UNC13B: variants seen among roughly 807,000 people sequenced by gnomAD.
The protein encoded by UNC13B is protein unc-13 homolog B.
Under a neutral mutation model 211.0 loss-of-function variants are expected in UNC13B, and 144 were observed. The observed-to-expected ratio is 0.68, with a 90% CI of 0.60 to 0.78. The LOEUF (loss-of-function observed/expected upper bound fraction) is 0.78. UNC13B is among the 30% of genes least tolerant of loss of function. The probability of loss-of-function intolerance (pLI) is 0.00; values close to 1 mark genes in which losing one functional copy is unlikely to be tolerated. For synonymous variants in UNC13B, 709 were observed against 725.8 expected (o/e 0.98, Z 0.37); for missense variants, 1,777 against 2,002.0 (o/e 0.89, Z 2.14).
At chr9:35,332,246 A>G (rs1007149135) in intron 11 of UNC13B, among the ~76,000 whole-genome samples, 12 of 152,176 alleles carry the variant, frequency 7.9e-5, no homozygotes, top group Non-Finnish European at 1.0e-4. Flanking sequence ...CACTGCACCC[A>G]GCCTCCCAAC....
chr9:35,353,841 A>T lies in UNC13B; in HGVS notation c.9415-13106A>T, dbSNP rs943841. On this transcript the variant is annotated intron_variant, in intron 11 of 39. Coordinates refer to ENST00000635942, the MANE Select transcript of UNC13B (RefSeq NM_001371189.2). ...CTGAGTCACTATTTAACAGGGTCCCAGCTGGCTAAAGTATGACCTCCATCT... is the reference window on the plus strand; with the variant it reads ...CTGAGTCACTATTTAACAGGGTCCCTGCTGGCTAAAGTATGACCTCCATCT... The T allele has an allele frequency of 5.9e-3, 7,215 of 1,220,244 alleles. 352 individuals carry two copies. The African/African-American group carries it at 0.1, about 17-fold the overall frequency. The allele number at this position is 1,220,244 out of a possible 1,614,324, so 75.6% of individuals were successfully genotyped here. A position where few individuals can be genotyped will look rare whatever the true frequency, so the allele number is the denominator to read the frequency against.
chr9:35,230,101 A>G (rs1825110475), intron 2 of UNC13B, among the ~76,000 whole-genome samples: 1 of 152,162 alleles, frequency 6.6e-6, no homozygotes, highest in East Asian at 1.9e-4. Flanking sequence ...TCAGGCCACC[A>G]CCTTTGTTTA....
chr9:35,389,911 C>A lies in UNC13B; in HGVS notation c.11160C>A (p.Leu3720=). The stretch of plus-strand genomic sequence containing the variant: ...GGAACCTGGATTTCTGGCCCAAGCT[C>A]ATCACACTCATCGTGTCAATCATAG... ...SIRNLDFWPK[L]ITLIVSIIEE... The change falls in exon 25 of 40, where the codon CTC becomes CTA. Residue 3720 remains leucine, a synonymous_variant. Coordinates refer to ENST00000635942, the MANE Select transcript of UNC13B (RefSeq NM_001371189.2). 1 of 1,614,158 alleles carries A rather than the reference C, an allele frequency of 6.2e-7. No individual in the cohort carries two copies. The highest frequency in any genetic ancestry group is 8.5e-7 in the Non-Finnish European group (1 of 1,180,004).
chr9:35,387,374 T>C (rs1835257975), intron 24 of UNC13B, among the ~76,000 whole-genome samples: 1 of 152,220 alleles, frequency 6.6e-6, no homozygotes, highest in African/African-American at 2.4e-5. Flanking sequence ...ACTAAGATCT[T>C]GTTCCTACTG....
At chr9:35,218,936 A>G (rs1361003446) in intron 1 of UNC13B, among the ~76,000 whole-genome samples, 2 of 151,804 alleles carry the variant, frequency 1.3e-5, no homozygotes, top group Non-Finnish European at 2.9e-5. Flanking sequence ...TTTAGTAGAG[A>G]TGGGGTTTCT....
At chr9:35,211,994 T>G (rs545508517) in intron 1 of UNC13B, among the ~76,000 whole-genome samples, 10 of 152,150 alleles carry the variant, frequency 6.6e-5, no homozygotes, top group Non-Finnish European at 1.2e-4. Context: ...CATCAGCCAC[T>G]GCACCCACCC....
Position 35,310,745 on chromosome 9 carries a change from T to C in UNC13B, c.9287T>C (p.Val3096Ala). The C allele has an allele frequency of 2.5e-6, 4 of 1,613,884 alleles. No homozygotes were observed. The South Asian group carries it at 4.4e-5, about 18-fold the overall frequency. The change falls in exon 10 of 40, where the codon GTG becomes GCG. Residue 3096 changes from valine (V) to alanine (A), a missense_variant. Val to Ala is a moderately conservative substitution (Grantham distance 64). Coordinates refer to ENST00000635942, the MANE Select transcript of UNC13B (RefSeq NM_001371189.2). ...ACAACCCACCCTCCCCCAGATCTGG[T>C]GCTGCAAAAAGACCACTTCCTAGGT... ...DATTHPPPDL[V>A]LQKDHFLGPQ...
chr9:35,401,765 A>C (rs929611159), intron 37 of UNC13B, among the ~76,000 whole-genome samples: 4 of 152,108 alleles, frequency 2.6e-5, no homozygotes, highest in African/African-American at 9.7e-5. Context: ...CATGAAGTCT[A>C]ATTTGGAGCA....
intron 11 of UNC13B, among the ~76,000 whole-genome samples, chr9:35,335,843 A>G (rs1365792422): frequency 6.6e-6 from 1 of 152,040 alleles, no homozygotes; most frequent in Non-Finnish European, 1.5e-5. Context: ...AGCTAGGACT[A>G]CAAGGATGTG....
At chr9:35,321,636 TTTTAAA>T (rs1419296662) in intron 11 of UNC13B, among the ~76,000 whole-genome samples, 1 of 152,086 alleles carries the variant, frequency 6.6e-6, no homozygotes, top group African/African-American at 2.4e-5. Context: ...GGGTATAAGT[TTTTAAA>T]TTTAAATTTT....
chr9:35,370,186 T>C (rs558986757), intron 12 of UNC13B, 132 bp from the exon 13 acceptor site: 1 of 655,530 alleles, frequency 1.5e-6, no homozygotes, highest in Non-Finnish European at 2.6e-6. Flanking sequence ...TTCCTTCCCG[T>C]CCTAAAAGCA....
chr9:35,274,809 C>T (rs931901072), intron 7 of UNC13B, among the ~76,000 whole-genome samples: 1 of 152,200 alleles, frequency 6.6e-6, no homozygotes, highest in African/African-American at 2.4e-5. Context: ...TTAGTCCCTA[C>T]ACCAGCTGGC....
At chr9:35,299,447 G>A (rs529074621) in intron 8 of UNC13B, among the ~76,000 whole-genome samples, 9 of 151,934 alleles carry the variant, frequency 5.9e-5, no homozygotes, top group East Asian at 1.9e-4. Flanking sequence ...AGCAAATTTC[G>A]TTTTCTTGAA....
intron 1 of UNC13B, among the ~76,000 whole-genome samples, chr9:35,165,130 G>C (rs1286331519): frequency 6.6e-6 from 1 of 152,332 alleles, no homozygotes; most frequent in East Asian, 1.9e-4. Flanking sequence ...GATTTAAGAG[G>C]AAGAGGATCA....
intron 7 of UNC13B, among the ~76,000 whole-genome samples, chr9:35,261,855 C>T (rs995406319): frequency 3.3e-5 from 5 of 152,212 alleles, no homozygotes; most frequent in South Asian, 2.1e-4. Context: ...CTCCCACAAA[C>T]GAGTGAGAAC....
In UNC13B at chr9:35,307,468, C is replaced by A. The variant is rs969192604; in HGVS notation, c.8064C>A (p.Asn2688Lys). The A allele has an allele frequency of 1.5e-5, 6 of 398,970 alleles. No homozygotes were observed. The highest frequency in any genetic ancestry group is 2.2e-5 in the Non-Finnish European group (5 of 226,128). The allele number at this position is 398,970 out of a possible 1,614,324, so 24.7% of individuals were successfully genotyped here. Residue 2688 changes from asparagine (N) to lysine (K), a missense_variant, in exon 9 of 40, where the codon AAC becomes AAA. Coordinates refer to ENST00000635942, the MANE Select transcript of UNC13B (RefSeq NM_001371189.2). ...CAGCTATTCAAACTGCCTCCACAAA[C>A]CAAGACTTACTGGAGCTGCATCCAG... The part of the protein sequence containing the change: ...PEPAIQTAST[N>K]QDLLELHPAS...
At chr9:35,174,866 A>G (rs10738937) in intron 1 of UNC13B, among the ~76,000 whole-genome samples, 147,980 of 151,330 alleles carry the variant, frequency 0.98, 72,383 homozygotes, top group Non-Finnish European at 1. Flanking sequence ...GATTACAGGC[A>G]TGAGCCACCG....
chr9:35,398,821 G>A, intron 32 of UNC13B, 61 bp from the exon 33 acceptor site: 1 of 1,587,952 alleles, frequency 6.3e-7, no homozygotes, highest in Non-Finnish European at 8.6e-7. Context: ...AATAGCTGGT[G>A]CCGCTCCAGG....
intron 1 of UNC13B, among the ~76,000 whole-genome samples, chr9:35,205,318 CACAA>C (rs1202877954): frequency 6.6e-6 from 1 of 152,110 alleles, no homozygotes; most frequent in Non-Finnish European, 1.5e-5. Flanking sequence ...AATACACACA[CACAA>C]ACACACACAC....
Sources: gnomAD v4.1 joint callset for allele counts (sites outside exome capture counted in the v4.1 genomes callset) on GRCh38, gnomAD v4.1.1 for gene constraint, MANE v1.5 for transcripts, NCBI Gene and HGNC (gene_info 2026-07-23, HGNC 2026-07-21) for gene names.